The following TBXAS1 variants were observed in gnomAD, a reference collection of about 807,000 sequenced individuals.
TBXAS1 encodes the protein thromboxane-A synthase.
A neutral mutation model predicts 60.7 loss-of-function variants in TBXAS1; 48 were observed. That is an observed-to-expected ratio of 0.79 (90% CI 0.63 to 1.01). The LOEUF is 1.01. Among genes scored for constraint, TBXAS1 ranks in the 50% least tolerant of loss-of-function variants. TBXAS1 has a pLI of 0.00. For synonymous variants in TBXAS1, 287 were observed against 269.7 expected (o/e 1.06, Z -0.63); for missense variants, 685 against 686.3 (o/e 1.00, Z 0.02).
At chr7:139,805,710 CT>C (rs35213211) in intron 4 of TBXAS1, among the ~76,000 whole-genome samples, 2 of 41,606 alleles carry the variant, frequency 4.8e-5, no homozygotes, top group African/African-American at 2.1e-4. Flanking sequence ...TTCTTTCTTT[CT>C]TTCTCTCTCT....
At chr7:139,936,128 T>C in intron 4 of TBXAS1, 63 bp from the exon 5 acceptor site, 1 of 1,486,894 alleles carries the variant, frequency 6.7e-7, no homozygotes, top group Non-Finnish European at 9.4e-7. Context: ...CATGGACCTG[T>C]ATTGCCACCA....
chr7:139,809,236 T>C (rs1343624108), intron 4 of TBXAS1, among the ~76,000 whole-genome samples: 1 of 37,412 alleles, frequency 2.7e-5, no homozygotes, highest in Admixed American at 2.6e-4. Flanking sequence ...AGATAGATGA[T>C]AGATAGATAG....
Position 139,876,573 on chromosome 7 carries a change from G to T in TBXAS1, c.236+936G>T, listed in dbSNP as rs561382767. 4.6e-5 allele frequency among the ~76,000 whole-genome samples: 7 copies of T among 152,206 alleles called. No homozygotes were observed. In the East Asian group the frequency reaches 1.4e-3, roughly 29 times the overall value. On this transcript the variant is annotated intron_variant, in intron 3 of 12. Transcript: ENST00000448866. ...GTGATTTGGGGGTCCTATCTCCATAGTATTCATGATGTCTGTTCTCCTGAT... is the reference window on the plus strand; with the variant it reads ...GTGATTTGGGGGTCCTATCTCCATATTATTCATGATGTCTGTTCTCCTGAT...
At chr7:140,016,211 C>A (rs1426594556) in intron 11 of TBXAS1, among the ~76,000 whole-genome samples, 2 of 151,904 alleles carry the variant, frequency 1.3e-5, no homozygotes, top group Non-Finnish European at 2.9e-5. Flanking sequence ...GCCTGTAGTC[C>A]CAGCTACTTG....
intron 9 of TBXAS1, among the ~76,000 whole-genome samples, chr7:139,992,997 C>G (rs752053252): frequency 6.6e-6 from 1 of 152,064 alleles, no homozygotes; most frequent in African/African-American, 2.4e-5. Flanking sequence ...ACGGAAAAAC[C>G]CCGTCTCTAC....
intron 4 of TBXAS1, among the ~76,000 whole-genome samples, chr7:139,920,084 C>T (rs895677346): frequency 6.6e-6 from 1 of 152,222 alleles, no homozygotes. Flanking sequence ...ATCATTGAAG[C>T]TAGCAGCCAT....
intron 4 of TBXAS1, among the ~76,000 whole-genome samples, chr7:139,808,215 G>A (rs1243547235): frequency 6.6e-6 from 1 of 151,950 alleles, no homozygotes; most frequent in Non-Finnish European, 1.5e-5. Context: ...GTGCATGCCT[G>A]TAGTCCCAGA....
intron 1 of TBXAS1, among the ~76,000 whole-genome samples, chr7:139,853,618 A>T (rs1800377310): frequency 6.6e-6 from 1 of 151,344 alleles, no homozygotes; most frequent in Non-Finnish European, 1.5e-5. Context: ...TTTATTACGC[A>T]GGATCCAGAG....
Position 139,953,414 on chromosome 7 carries a change from T to C in TBXAS1, c.497T>C (p.Leu166Ser). 1 of 1,614,232 alleles carries C rather than the reference T, an allele frequency of 6.2e-7. No individual in the cohort carries two copies. Among genetic ancestry groups the C allele is most frequent in the Non-Finnish European group, 8.5e-7 (1 of 1,180,032 alleles). The change falls in exon 6 of 13, where the codon TTA becomes TCA. Residue 166 changes from leucine to serine, a missense_variant. Transcript: ENST00000448866. ...SQACDLLLAH[L>S]KRYAESGDAF... ...GCCTGCGACCTTCTCCTGGCTCATT[T>C]AAAACGCTATGCGGAATCTGGGGAC...
In TBXAS1 at chr7:139,839,676, C is replaced by CAA. The variant is rs1297739214; in HGVS notation, c.89+10215_89+10216dup. 2.8e-3 allele frequency among the ~76,000 whole-genome samples: 250 copies of CAA among 89,268 alleles called. 2 individuals carry two copies. Among genetic ancestry groups the CAA allele is most frequent in the South Asian group, 9.5e-3 (27 of 2,840 alleles). The allele number at this position is 89,268 out of a possible 152,430, so 58.6% of individuals were successfully genotyped here. On this transcript the variant is annotated intron_variant, in intron 1 of 12. Transcript: ENST00000448866. ...CAACAAAGAGAGACCCTGCTTCTACCAAAAAAAAAAAAAAAAAAACAAATC... is the reference window on the plus strand; with the variant it reads ...CAACAAAGAGAGACCCTGCTTCTACCAAAAAAAAAAAAAAAAAAAAACAAATC...
At chr7:139,873,707 A>C (rs1801997746) in intron 2 of TBXAS1, among the ~76,000 whole-genome samples, 1 of 152,210 alleles carries the variant, frequency 6.6e-6, no homozygotes, top group Admixed American at 6.5e-5. Flanking sequence ...GGAAATGGCC[A>C]ACAGACATTT....
chr7:139,841,114 A>G (rs1799412694), intron 1 of TBXAS1, among the ~76,000 whole-genome samples: 2 of 152,196 alleles, frequency 1.3e-5, no homozygotes, highest in South Asian at 4.1e-4. Context: ...TGAGCGTGGC[A>G]AGGAGCCCAG....
chr7:140,004,327 G>T lies in TBXAS1; in HGVS notation c.1135-2764G>T, dbSNP rs1423448327. Among the ~76,000 whole-genome samples, 2 of 152,184 alleles carry T rather than the reference G, an allele frequency of 1.3e-5. No homozygotes were observed. The highest frequency in any genetic ancestry group is 4.8e-5 in the African/African-American group (2 of 41,450). Reference sequence around the variant, plus strand: ...GCAGTCTCTTTTTCGACTTGTCATGGTGCTTTTTATTTTCCATTTACTGTT... The same window carrying T: ...GCAGTCTCTTTTTCGACTTGTCATGTTGCTTTTTATTTTCCATTTACTGTT... On this transcript the variant is annotated intron_variant, in intron 9 of 12. Transcript: ENST00000448866. The surrounding 1 kb of genome is among the most constrained non-coding windows in gnomAD (Gnocchi z 5.1).
intron 3 of TBXAS1, among the ~76,000 whole-genome samples, chr7:139,784,058 C>T (rs1797095048): frequency 6.7e-6 from 1 of 148,982 alleles, no homozygotes; most frequent in Non-Finnish European, 1.5e-5. Context: ...GTCCTTCCTC[C>T]TTTCACATGC....
intron 1 of TBXAS1, among the ~76,000 whole-genome samples, chr7:139,870,403 G>A (rs1458027127): frequency 1.3e-5 from 2 of 152,190 alleles, no homozygotes; most frequent in East Asian, 3.8e-4. Context: ...CAAAAAAGCT[G>A]ATGAAGAAAT....
At chr7:139,832,066 A>G (rs1048745035) in intron 1 of TBXAS1, among the ~76,000 whole-genome samples, 2 of 152,172 alleles carry the variant, frequency 1.3e-5, no homozygotes, top group Admixed American at 6.5e-5. Flanking sequence ...GCTCCAGATC[A>G]ACTGCAAGAA....
At chr7:139,911,418 A>G in intron 4 of TBXAS1, 97 bp downstream of exon 4, 1 of 1,122,910 alleles carries the variant, frequency 8.9e-7, no homozygotes, top group Non-Finnish European at 1.4e-6. Context: ...CAGGCCTCTG[A>G]TCAGGTTTAT....
chr7:139,832,652 T>C (rs1798784372), intron 1 of TBXAS1, among the ~76,000 whole-genome samples: 1 of 152,214 alleles, frequency 6.6e-6, no homozygotes, highest in Admixed American at 6.5e-5. Context: ...CCTAGGCACA[T>C]TGTCATCAGG....
chr7:139,991,877 G>A (rs1405416983), intron 9 of TBXAS1, among the ~76,000 whole-genome samples: 1 of 152,222 alleles, frequency 6.6e-6, no homozygotes, highest in Admixed American at 6.5e-5. Context: ...GGGGCAAGAG[G>A]GACTTTAGCT....
Sources: allele counts gnomAD v4.1 joint callset (sites outside exome capture counted in the v4.1 genomes callset), GRCh38; gene constraint gnomAD v4.1.1; non-coding constraint Gnocchi (gnomAD v3.1); transcripts MANE v1.5; gene names NCBI Gene and HGNC (gene_info 2026-07-23, HGNC 2026-07-21).